The following STYXL1 variants were observed in gnomAD, a reference collection of about 807,000 sequenced individuals.
STYXL1 encodes the protein serine/threonine/tyrosine-interacting-like protein 1.
Under a neutral mutation model 36.4 loss-of-function variants are expected in STYXL1, and 32 were observed. That is an observed-to-expected ratio of 0.88 (90% confidence interval 0.66 to 1.18). The LOEUF (loss-of-function observed/expected upper bound fraction) is 1.18. STYXL1 is among the 50% of genes most tolerant of loss of function. The probability of loss-of-function intolerance (pLI) is 0.00; values close to 1 mark genes in which losing one functional copy is unlikely to be tolerated. For synonymous variants in STYXL1, 133 were observed against 144.1 expected (o/e 0.92, Z 0.55); for missense variants, 354 against 394.1 (o/e 0.90, Z 0.86).
chr7:76,027,450 T>C (rs1415559528), intron 3 of STYXL1, among the ~76,000 whole-genome samples: 2 of 150,320 alleles, frequency 1.3e-5, no homozygotes, highest in African/African-American at 4.9e-5. Context: ...CTGGGCAACA[T>C]AATAAGATCC....
intron 5 of STYXL1, among the ~76,000 whole-genome samples, chr7:76,011,993 G>T (rs1792614535): frequency 6.6e-6 from 1 of 152,224 alleles, no homozygotes; most frequent in South Asian, 2.1e-4. Context: ...TTTAATATCT[G>T]ATTCTCTTTT....
chr7:76,030,989 T>G (rs1206253396), intron 1 of STYXL1, among the ~76,000 whole-genome samples: 1 of 150,410 alleles, frequency 6.6e-6, no homozygotes, highest in Non-Finnish European at 1.5e-5. Flanking sequence ...GGTGAAACCC[T>G]GTTTCTGCTA....
intron 6 of STYXL1, among the ~76,000 whole-genome samples, chr7:76,004,710 T>C (rs1791434855): frequency 6.8e-6 from 1 of 147,480 alleles, no homozygotes; most frequent in African/African-American, 2.5e-5. Flanking sequence ...TCTCAAAAAA[T>C]AATAAAATAG....
At chr7:76,004,984 G>C (rs1228790192) in intron 6 of STYXL1, among the ~76,000 whole-genome samples, 2 of 152,164 alleles carry the variant, frequency 1.3e-5, no homozygotes, top group East Asian at 1.9e-4. Context: ...CTGGGTGACA[G>C]AGTGAGACTC....
At chr7:76,016,401 A>G (rs1464031700) in intron 4 of STYXL1, among the ~76,000 whole-genome samples, 1 of 151,676 alleles carries the variant, frequency 6.6e-6, no homozygotes, top group Non-Finnish European at 1.5e-5. Flanking sequence ...GTGTGTATAT[A>G]TACGTATATC....
intron 3 of STYXL1, among the ~76,000 whole-genome samples, chr7:76,026,105 T>C (rs1043869415): frequency 5.8e-5 from 8 of 137,668 alleles, no homozygotes; most frequent in African/African-American, 2.2e-4. Context: ...GGCAGGATAA[T>C]GGCGTTAACC....
chr7:76,035,515 T>C (rs1192710686), intron 1 of STYXL1, among the ~76,000 whole-genome samples: 3 of 149,722 alleles, frequency 2.0e-5, no homozygotes, highest in African/African-American at 4.9e-5. Context: ...CAGTTACCAT[T>C]ATGGCCTTTC....
In STYXL1 at chr7:76,021,855, G is replaced by A; in HGVS notation, c.303C>T (p.Gly101=). The change falls in exon 4 of 9, where the codon GGC becomes GGT. Residue 101 remains glycine, a synonymous_variant. Transcript: ENST00000359697. ...CTGCTGTTGCATAAAACCCACCTTT[G>A]CCATCACCATCAGAGTCTGAATCAT... The part of the protein sequence containing the change: ...DDDDSDSDGD[G]KDLVPQAAIE... 6.2e-7 allele frequency: 1 copy of A among 1,607,286 alleles called. No individual in the cohort carries two copies. Among genetic ancestry groups the A allele is most frequent in the Non-Finnish European group, 8.5e-7 (1 of 1,175,082 alleles).
intron 7 of STYXL1, among the ~76,000 whole-genome samples, chr7:76,001,302 C>T (rs1790887976): frequency 6.6e-6 from 1 of 152,342 alleles, no homozygotes; most frequent in Non-Finnish European, 1.5e-5. Context: ...CAACTGGCCT[C>T]CCAGTATGGG....
In STYXL1 at chr7:76,010,003, G is replaced by A. The variant is rs571125498; in HGVS notation, c.453+3739C>T. On this transcript the variant is annotated intron_variant, in intron 5 of 8. Coordinates refer to ENST00000359697, the MANE Select transcript of STYXL1 (RefSeq NM_001317785.2). ...TGCAACTGTCAAAACGGACCATACC[G>A]GGCCTTTTAAATATGTGCAGTTCAT... Among the ~76,000 whole-genome samples the A allele has an allele frequency of 3.1e-4, 47 of 152,222 alleles. No individual in the cohort carries two copies. In the Middle Eastern group the frequency reaches 0.01, roughly 33 times the overall value.
intron 8 of STYXL1, chr7:75,999,259 T>C: frequency 6.5e-6 from 1 of 154,076 alleles, no homozygotes; most frequent in East Asian, 1.9e-4. Flanking sequence ...TAATGGAATA[T>C]TATTCAGCCT....
At chr7:76,047,063 C>A (rs1308849380) in intron 1 of STYXL1, among the ~76,000 whole-genome samples, 1 of 149,218 alleles carries the variant, frequency 6.7e-6, no homozygotes, top group African/African-American at 2.5e-5. Flanking sequence ...AGTTCGAGAC[C>A]AGCCTGACCA....
At chr7:76,015,117 G>A (rs1793118877) in intron 4 of STYXL1, among the ~76,000 whole-genome samples, 1 of 152,160 alleles carries the variant, frequency 6.6e-6, no homozygotes, top group Admixed American at 6.6e-5. Flanking sequence ...GAGTGTGGTG[G>A]CGGGCACCTG....
intron 8 of STYXL1, among the ~76,000 whole-genome samples, chr7:75,997,775 CA>C (rs1453707474): frequency 6.6e-6 from 1 of 152,030 alleles, no homozygotes; most frequent in Non-Finnish European, 1.5e-5. Flanking sequence ...ATGCAGGATA[CA>C]AAACCAACAT....
intron 3 of STYXL1, 110 bp downstream of exon 3, chr7:76,028,532 A>G (rs11983987): frequency 0.18 from 186,828 of 1,010,546 alleles, 18,799 homozygotes; most frequent in East Asian, 0.3. Context: ...GGGCACATAG[A>G]AAACAGTCCT....
intron 1 of STYXL1, among the ~76,000 whole-genome samples, chr7:76,032,602 T>C (rs1056037656): frequency 1.3e-5 from 2 of 152,142 alleles, no homozygotes; most frequent in Non-Finnish European, 2.9e-5. Context: ...CTCGGGAGGC[T>C]GAGGCAGGAG....
chr7:76,005,435 A>G, intron 5 of STYXL1, 31 bp from the exon 6 acceptor site: 1 of 1,566,922 alleles, frequency 6.4e-7, no homozygotes, highest in Non-Finnish European at 8.7e-7. Context: ...GGCAGCTATG[A>G]GCATATTCCT....
rs1172468429 is a variant in STYXL1, at chr7:76,011,057, A to AT, written c.453+2684dup. Among the ~76,000 whole-genome samples the AT allele has an allele frequency of 3.3e-5, 5 of 152,218 alleles. No homozygotes were observed. In the East Asian group the frequency reaches 7.7e-4, roughly 24 times the overall value. On this transcript the variant is annotated intron_variant, in intron 5 of 8. Coordinates refer to ENST00000359697, the MANE Select transcript of STYXL1 (RefSeq NM_001317785.2). ...TAGCAAGACCCTGTATCTGCAAAAAATTTTAAAACTTAGCTGACTGTGGTG... is the reference window on the plus strand; with the variant it reads ...TAGCAAGACCCTGTATCTGCAAAAAATTTTTAAAACTTAGCTGACTGTGGTG...
intron 5 of STYXL1, among the ~76,000 whole-genome samples, chr7:76,009,622 A>G (rs976795424): frequency 3.9e-5 from 6 of 152,218 alleles, no homozygotes; most frequent in Admixed American, 1.3e-4. Flanking sequence ...TGTTGGCCAG[A>G]ATGGTCTTGA....
Sources: allele counts gnomAD v4.1 joint callset (sites outside exome capture counted in the v4.1 genomes callset), GRCh38; gene constraint gnomAD v4.1.1; transcripts MANE v1.5; gene names NCBI Gene and HGNC (gene_info 2026-07-23, HGNC 2026-07-21).